Variants in PPP1R9A observed in about 807,000 individuals in gnomAD.
PPP1R9A encodes neurabin-1.
Under a neutral mutation model 141.9 loss-of-function variants are expected in PPP1R9A, and 59 were observed. The ratio of observed to expected loss-of-function variants is 0.42; its 90% CI spans 0.34 to 0.52. The LOEUF (loss-of-function observed/expected upper bound fraction) is 0.52, where lower values mean the gene tolerates loss of function less well. Ranked by LOEUF, PPP1R9A falls within the 20% of genes least tolerant of loss-of-function variation. The pLI, the probability that PPP1R9A is intolerant of heterozygous loss-of-function variation, is 0.10. For missense variants in PPP1R9A, 1,444 were observed against 1,611.9 expected, an observed-to-expected ratio of 0.90 and a Z score of 1.78; for synonymous variants, 500 against 569.7, an observed-to-expected ratio of 0.88 and a Z score of 1.74.
chr7:95,060,220 C>T (rs1812042968), intron 2 of PPP1R9A, among the ~76,000 whole-genome samples: 1 of 152,148 alleles, frequency 6.6e-6, no homozygotes. Flanking sequence ...TCTAAGGTAT[C>T]CAGGTTCTTG....
chr7:94,979,906 A>ATTTTT (rs971360977), intron 2 of PPP1R9A, among the ~76,000 whole-genome samples: 1 of 147,764 alleles, frequency 6.8e-6, no homozygotes, highest in Non-Finnish European at 1.5e-5. Flanking sequence ...TGTTAAAGGT[A>ATTTTT]TTTTTTTTTG....
intron 8 of PPP1R9A, among the ~76,000 whole-genome samples, chr7:95,246,364 G>C (rs1292785333): frequency 6.6e-6 from 1 of 152,132 alleles, no homozygotes. Flanking sequence ...TACAGTAATA[G>C]TAAAAGTTTA....
chr7:95,241,793 G>T (rs902633075), intron 8 of PPP1R9A, among the ~76,000 whole-genome samples: 1 of 152,106 alleles, frequency 6.6e-6, no homozygotes, highest in Non-Finnish European at 1.5e-5. Flanking sequence ...ATAACATTAA[G>T]TTATCTTTAT....
At chr7:94,918,530 C>T (rs1214119631) in intron 2 of PPP1R9A, among the ~76,000 whole-genome samples, 1 of 151,986 alleles carries the variant, frequency 6.6e-6, no homozygotes, top group Non-Finnish European at 1.5e-5. Flanking sequence ...CTTTGAAGTG[C>T]ACAATTCAGT....
At chr7:95,240,060 T>C (rs755982515) in intron 8 of PPP1R9A, among the ~76,000 whole-genome samples, 74 of 152,106 alleles carry the variant, frequency 4.9e-4, no homozygotes, top group Non-Finnish European at 9.3e-4. Flanking sequence ...CTGAATTTTT[T>C]CTCATTCTCA....
At chr7:95,157,589 C>T (rs569864189) in intron 4 of PPP1R9A, among the ~76,000 whole-genome samples, 56 of 152,298 alleles carry the variant, frequency 3.7e-4, no homozygotes, top group Non-Finnish European at 4.9e-4. Flanking sequence ...CTGCTGCAGT[C>T]GGCGTGATGG....
At chr7:95,245,954 G>A (rs1250843552) in intron 8 of PPP1R9A, among the ~76,000 whole-genome samples, 4 of 152,164 alleles carry the variant, frequency 2.6e-5, no homozygotes, top group Non-Finnish European at 4.4e-5. Context: ...CAGTGTGAGT[G>A]CGGCAGAATC....
At chr7:95,258,712 A>G (rs1280905191) in intron 12 of PPP1R9A, among the ~76,000 whole-genome samples, 1 of 152,200 alleles carries the variant, frequency 6.6e-6, no homozygotes, top group Non-Finnish European at 1.5e-5. Flanking sequence ...ACGCATAAGA[A>G]GTTCACAAAA....
chr7:95,174,951 T>C (rs1275000282), intron 5 of PPP1R9A: 2 of 152,134 alleles, frequency 1.3e-5, no homozygotes, highest in African/African-American at 4.8e-5. Context: ...TATTACCTCA[T>C]GGTTTCTGTG....
chr7:95,113,066 T>A (rs1459956020), intron 3 of PPP1R9A, among the ~76,000 whole-genome samples: 2 of 152,174 alleles, frequency 1.3e-5, no homozygotes, highest in Admixed American at 1.3e-4. Context: ...TGTACTCCCC[T>A]GAATTTATAC....
At chr7:94,974,864 A>G (rs1324096273) in intron 2 of PPP1R9A, among the ~76,000 whole-genome samples, 1 of 152,196 alleles carries the variant, frequency 6.6e-6, no homozygotes, top group Non-Finnish European at 1.5e-5. Flanking sequence ...GAAAACAGAA[A>G]TGGTGTTTTA....
At chr7:95,273,477 A>G (rs764399320) in intron 14 of PPP1R9A, among the ~76,000 whole-genome samples, 1 of 152,208 alleles carries the variant, frequency 6.6e-6, no homozygotes, top group Non-Finnish European at 1.5e-5. Context: ...ATACGGGAGA[A>G]GTGGGCTATG....
chr7:95,177,103 A>C (rs1833016174), intron 5 of PPP1R9A, among the ~76,000 whole-genome samples: 1 of 152,150 alleles, frequency 6.6e-6, no homozygotes, highest in Admixed American at 6.6e-5. Flanking sequence ...AAAGAATCTT[A>C]AGAGCTGTGA....
intron 2 of PPP1R9A, among the ~76,000 whole-genome samples, chr7:95,026,645 C>A (rs189808522): frequency 1.3e-5 from 2 of 152,258 alleles, no homozygotes; most frequent in Non-Finnish European, 2.9e-5. Flanking sequence ...TCAGAGCTGG[C>A]AGGCAGGGAC....
intron 2 of PPP1R9A, among the ~76,000 whole-genome samples, chr7:94,941,100 T>A (rs1262143516): frequency 6.6e-6 from 1 of 152,148 alleles, no homozygotes; most frequent in Non-Finnish European, 1.5e-5. Context: ...TAATATTTTT[T>A]AAAATTCAGA....
intron 2 of PPP1R9A, among the ~76,000 whole-genome samples, chr7:94,986,745 T>C (rs1441421952): frequency 6.6e-6 from 1 of 152,232 alleles, no homozygotes; most frequent in East Asian, 1.9e-4. Flanking sequence ...ACAATTATTA[T>C]GTGTCAATTA....
At chr7:94,990,457 C>T (rs886389828) in intron 2 of PPP1R9A, among the ~76,000 whole-genome samples, 3 of 151,888 alleles carry the variant, frequency 2.0e-5, no homozygotes, top group Admixed American at 6.6e-5. Flanking sequence ...AAAACTGACA[C>T]GTAATAATTG....
intron 17 of PPP1R9A, 51 bp from the exon 18 acceptor site, chr7:95,286,155 C>T: frequency 6.2e-7 from 1 of 1,602,914 alleles, no homozygotes; most frequent in Non-Finnish European, 8.5e-7. Flanking sequence ...ACACCTACCT[C>T]TTGCTCACTC....
At chr7:94,917,344 A>G (rs1167484670) in intron 2 of PPP1R9A, among the ~76,000 whole-genome samples, 1 of 152,192 alleles carries the variant, frequency 6.6e-6, no homozygotes, top group Non-Finnish European at 1.5e-5. Flanking sequence ...ACAGCAGATT[A>G]TTTCAGATGT....
Sources: gnomAD v4.1 joint callset for allele counts (sites outside exome capture counted in the v4.1 genomes callset) on GRCh38, gnomAD v4.1.1 for gene constraint, MANE v1.5 for transcripts, NCBI Gene and HGNC (gene_info 2026-07-23, HGNC 2026-07-21) for gene names.